Variants in SOCS7 observed in about 807,000 individuals in gnomAD.
SOCS7 encodes the protein NAP-4.
Under a neutral mutation model 58.9 loss-of-function variants are expected in SOCS7, and 18 were observed. The ratio of observed to expected loss-of-function variants is 0.31; its 90% confidence interval spans 0.21 to 0.45. The LOEUF (loss-of-function observed/expected upper bound fraction) is 0.45, where lower values mean the gene tolerates loss of function less well. Among genes scored for constraint, SOCS7 ranks in the 20% least tolerant of loss-of-function variants. SOCS7 has a pLI of 1.00. For missense variants in SOCS7, 667 were observed against 837.3 expected, an observed-to-expected ratio of 0.80 and a Z score of 2.51; for synonymous variants, 388 against 364.3, an observed-to-expected ratio of 1.06 and a Z score of -0.74.
At position 38,378,891 on chromosome 17, in the gene SOCS7, C is replaced by T. The variant is rs148786993; in HGVS notation, c.1681+1049C>T. Among the ~76,000 whole-genome samples, 13 of 152,270 alleles carry T rather than the reference C, an allele frequency of 8.5e-5. No individual in the cohort carries two copies. The East Asian group carries it at 2.3e-3, about 27-fold the overall frequency. On this transcript the variant is annotated intron_variant, in intron 7 of 9. Transcript: ENST00000612932. Reference sequence around the variant, plus strand: ...ACAACTTAAGCCAGGCATGGTGGCTCACACTGTAATAATCCCAGTACTTTG... The same window carrying T: ...ACAACTTAAGCCAGGCATGGTGGCTTACACTGTAATAATCCCAGTACTTTG...
At chr17:38,396,984 G>C (rs2038252872) in intron 9 of SOCS7, among the ~76,000 whole-genome samples, 1 of 152,164 alleles carries the variant, frequency 6.6e-6, no homozygotes, top group Non-Finnish European at 1.5e-5. Context: ...AGAGCACTAG[G>C]GAGGTCCACC....
chr17:38,386,812 A>G (rs1215336202), intron 7 of SOCS7, among the ~76,000 whole-genome samples: 1 of 151,758 alleles, frequency 6.6e-6, no homozygotes, highest in African/African-American at 2.4e-5. Flanking sequence ...ATGGCCGGGC[A>G]CAGTGGCTCA....
intron 6 of SOCS7, among the ~76,000 whole-genome samples, chr17:38,372,341 C>T (rs540477058): frequency 6.6e-6 from 1 of 152,284 alleles, no homozygotes; most frequent in South Asian, 2.1e-4. Flanking sequence ...CCGTACATGG[C>T]ACCATTCACT....
chr17:38,356,382 T>C (rs2037638342), intron 1 of SOCS7, among the ~76,000 whole-genome samples: 1 of 151,228 alleles, frequency 6.6e-6, no homozygotes, highest in South Asian at 2.1e-4. Flanking sequence ...CTCCATCTTT[T>C]TTTTGGGGCC....
chr17:38,372,904 C>G (rs533296400), intron 6 of SOCS7, among the ~76,000 whole-genome samples: 14 of 152,100 alleles, frequency 9.2e-5, no homozygotes, highest in African/African-American at 3.4e-4. Flanking sequence ...GTCGGGAGTT[C>G]GAGACCAGCC....
At chr17:38,368,768 C>T (rs1276226956) in intron 6 of SOCS7, among the ~76,000 whole-genome samples, 1 of 152,210 alleles carries the variant, frequency 6.6e-6, no homozygotes, top group Non-Finnish European at 1.5e-5. Flanking sequence ...TCCCAAAGGG[C>T]TTGGATTACA....
At chr17:38,388,186 C>G (rs535619192) in intron 7 of SOCS7, among the ~76,000 whole-genome samples, 143 of 152,206 alleles carry the variant, frequency 9.4e-4, no homozygotes, top group African/African-American at 3.3e-3. Flanking sequence ...CTCTCTCCCT[C>G]CCTTCCTTCC....
At chr17:38,388,421 A>G (rs896997306) in intron 7 of SOCS7, among the ~76,000 whole-genome samples, 2 of 152,218 alleles carry the variant, frequency 1.3e-5, no homozygotes, top group East Asian at 3.9e-4. Context: ...CAGGAGGCTG[A>G]GGCAGGAGAA....
In SOCS7 at chr17:38,373,023, T is replaced by C. The variant is rs141773158; in HGVS notation, c.1553-4691T>C. Among the ~76,000 whole-genome samples, 889 of 151,982 alleles carry C rather than the reference T, an allele frequency of 5.8e-3. 9 individuals carry two copies. Among genetic ancestry groups the C allele is most frequent in the African/African-American group, 0.02 (844 of 41,432 alleles). Reference sequence around the variant, plus strand: ...CAGGAGGCTGAGGCAGGAGAATCGATTGAACCTGGGAGGCAGAGGTTGTGG... The same window carrying C: ...CAGGAGGCTGAGGCAGGAGAATCGACTGAACCTGGGAGGCAGAGGTTGTGG... On this transcript the variant is annotated intron_variant, in intron 6 of 9. Coordinates refer to ENST00000612932, the MANE Select transcript of SOCS7 (RefSeq NM_014598.4).
intron 7 of SOCS7, among the ~76,000 whole-genome samples, chr17:38,389,865 GTACATATATATATATATGTACATA>G (rs2038134916): frequency 3.7e-5 from 1 of 26,872 alleles, no homozygotes; most frequent in Non-Finnish European, 8.1e-5. Context: ...GTGTATGTGT[GTACATATATATATATATGTACATA>G]TATATATATA....
intron 6 of SOCS7, among the ~76,000 whole-genome samples, chr17:38,369,811 G>A (rs564843698): frequency 6.1e-4 from 89 of 147,014 alleles, no homozygotes; most frequent in African/African-American, 2.2e-3. Flanking sequence ...TTTTTTTTGA[G>A]ACAGAGTTTC....
chr17:38,382,475 T>C (rs180905840), intron 7 of SOCS7, among the ~76,000 whole-genome samples: 60 of 150,702 alleles, frequency 4.0e-4, no homozygotes, highest in African/African-American at 1.4e-3. Flanking sequence ...TGCTTTGAAT[T>C]GGACAGCTCA....
chr17:38,363,865 C>T (rs2037751962), intron 2 of SOCS7, among the ~76,000 whole-genome samples: 1 of 152,130 alleles, frequency 6.6e-6, no homozygotes, highest in African/African-American at 2.4e-5. Context: ...TAGAGAAATC[C>T]TGAGTTCTGA....
intron 6 of SOCS7, among the ~76,000 whole-genome samples, chr17:38,371,504 A>T (rs1216239784): frequency 1.4e-5 from 2 of 145,662 alleles, no homozygotes; most frequent in Non-Finnish European, 3.0e-5. Flanking sequence ...TCCTGACCTC[A>T]GGGGATCTGC....
chr17:38,396,856 T>G (rs2038251249), intron 9 of SOCS7, among the ~76,000 whole-genome samples: 1 of 151,988 alleles, frequency 6.6e-6, no homozygotes, highest in African/African-American at 2.4e-5. Context: ...TACAGTCTCA[T>G]CATGTCTTCA....
In SOCS7 at chr17:38,352,924, C is replaced by T. The variant is rs1567733252; in HGVS notation, c.872C>T (p.Ser291Phe). The T allele has an allele frequency of 1.2e-6, 2 of 1,607,236 alleles. No individual in the cohort carries two copies. The highest frequency in any genetic ancestry group is 1.7e-5 in the Admixed American group (1 of 59,128). The stretch of plus-strand genomic sequence containing the variant: ...CGCACCAAGAGCTGCAACGGTGGCT[C>T]CGGCGGTGGGGATGGGACCGGCAAG... The part of the protein sequence containing the change: ...LFRTKSCNGG[S>F]GGGDGTGKRP... The change falls in exon 1 of 10, where the codon TCC (serine) becomes TTC (phenylalanine). Residue 291 changes from serine (S) to phenylalanine (F), a missense_variant. Physicochemically the swap from Ser to Phe is radical, Grantham distance 155. This residue lies in a region of SOCS7 where 208 missense variants were observed against 190.3 expected (regional missense o/e 1.09). Transcript: ENST00000612932. This position sits in a 1 kb window ranked among gnomAD's most constrained non-coding sequence, Gnocchi z 5.5.
rs2037572500 is a variant in SOCS7, at chr17:38,352,714, C to T, written c.662C>T (p.Pro221Leu). Residue 221 changes from proline (P) to leucine (L), a missense_variant, in exon 1 of 10, where the codon CCT (proline) becomes CTT (leucine). Coordinates refer to ENST00000612932, the MANE Select transcript of SOCS7 (RefSeq NM_014598.4). The surrounding 1 kb of genome is among the most constrained non-coding windows in gnomAD (Gnocchi z 5.5). The part of the protein sequence containing the change: ...GGRLLLQPPG[P>L]ELPPVPFPLQ... ...CGGCTTCTGCTGCAGCCCCCAGGCC[C>T]TGAATTACCTCCGGTGCCCTTCCCG... The T allele has an allele frequency of 6.5e-7, 1 of 1,550,006 alleles. No individual in the cohort carries two copies. The highest frequency in any genetic ancestry group is 8.7e-7 in the Non-Finnish European group (1 of 1,146,916).
chr17:38,369,574 A>G (rs1369808242), intron 6 of SOCS7, among the ~76,000 whole-genome samples: 2 of 152,108 alleles, frequency 1.3e-5, no homozygotes, highest in Non-Finnish European at 2.9e-5. Flanking sequence ...AACCTGTTCA[A>G]ATGACTAGGC....
chr17:38,386,323 CAAAAAAAAAAA>C (rs548448434), intron 7 of SOCS7, among the ~76,000 whole-genome samples: 6 of 51,802 alleles, frequency 1.2e-4, no homozygotes, highest in South Asian at 7.5e-4. Flanking sequence ...GGCTGTGTCT[CAAAAAAAAAAA>C]AAAAAAAAAA....
Sources: allele counts gnomAD v4.1 joint callset (sites outside exome capture counted in the v4.1 genomes callset), GRCh38; gene constraint gnomAD v4.1.1; regional missense constraint gnomAD v4.1.1; non-coding constraint Gnocchi (gnomAD v3.1); transcripts MANE v1.5; gene names NCBI Gene and HGNC (gene_info 2026-07-23, HGNC 2026-07-21).